SIMC1: variants seen among roughly 807,000 people sequenced by gnomAD.
SIMC1 encodes SUMO-interacting motif-containing protein 1.
Under a neutral mutation model 82.3 loss-of-function variants are expected in SIMC1, and 55 were observed. The ratio of observed to expected loss-of-function variants is 0.67; its 90% CI spans 0.54 to 0.84. SIMC1 has a LOEUF of 0.84. SIMC1 is among the 40% of genes least tolerant of loss of function. The pLI, the probability that SIMC1 is intolerant of heterozygous loss-of-function variation, is 0.00. For synonymous variants in SIMC1, 353 were observed against 426.3 expected (o/e 0.83, Z 2.12); for missense variants, 915 against 1,107.2 (o/e 0.83, Z 2.46).
At chr5:176,308,078 G>A in intron 4 of SIMC1, 1 of 729,050 alleles carries the variant, frequency 1.4e-6, no homozygotes, top group Non-Finnish European at 2.5e-6. Flanking sequence ...AGTGCAGGTG[G>A]TGCAGGCGGT....
At chr5:176,270,685 T>C (rs139258378) in intron 1 of SIMC1, among the ~76,000 whole-genome samples, 10 of 152,318 alleles carry the variant, frequency 6.6e-5, no homozygotes, top group Non-Finnish European at 1.2e-4. Context: ...AGCGAAGTGA[T>C]TGTGAGACTT....
intron 5 of SIMC1, among the ~76,000 whole-genome samples, chr5:176,319,605 G>C (rs342012): frequency 0.74 from 112,941 of 152,044 alleles, 42,114 homozygotes; most frequent in Middle Eastern, 0.85. Flanking sequence ...GTGGAAAGAT[G>C]ACTTGAGGCC....
chr5:176,246,308 C>T (rs1046431098), intron 1 of SIMC1, among the ~76,000 whole-genome samples: 1 of 152,038 alleles, frequency 6.6e-6, no homozygotes, highest in South Asian at 2.1e-4. Flanking sequence ...CCACGCCTGG[C>T]CAAGTGACTC....
chr5:176,308,773 A>G (rs1764536184), intron 4 of SIMC1: 1 of 1,310,076 alleles, frequency 7.6e-7, no homozygotes, highest in African/African-American at 1.4e-5. Flanking sequence ...GAGCTGCCCA[A>G]GATCCTGTGC....
intron 7 of SIMC1, among the ~76,000 whole-genome samples, chr5:176,329,496 TAAAAAAA>T (rs60571584): frequency 1.6e-5 from 2 of 126,594 alleles, no homozygotes; most frequent in African/African-American, 6.1e-5. Context: ...ACTCCCTCTT[TAAAAAAA>T]AAAAAAAAAA....
At chr5:176,243,647 C>T (rs1438542930) in intron 1 of SIMC1, among the ~76,000 whole-genome samples, 3 of 151,926 alleles carry the variant, frequency 2.0e-5, no homozygotes, top group South Asian at 2.1e-4. Flanking sequence ...CTCAGCCTCC[C>T]GAGTAGCCGG....
chr5:176,274,168 T>G lies in SIMC1; in HGVS notation c.130-15486T>G, dbSNP rs559663228. 2.6e-3 allele frequency among the ~76,000 whole-genome samples: 380 copies of G among 145,090 alleles called. 2 individuals carry two copies. The highest frequency in any genetic ancestry group is 0.01 in the Middle Eastern group (3 of 290). ...TCTCCACATCCTCTCCAGCACCTGTTGTTTCCTGACTTTTTAATGATTGCC... is the reference window on the plus strand; with the variant it reads ...TCTCCACATCCTCTCCAGCACCTGTGGTTTCCTGACTTTTTAATGATTGCC... On this transcript the variant is annotated intron_variant, in intron 1 of 9. Transcript: ENST00000429602.
chr5:176,275,418 A>G (rs1402655272), intron 1 of SIMC1, among the ~76,000 whole-genome samples: 1 of 151,894 alleles, frequency 6.6e-6, no homozygotes, highest in East Asian at 1.9e-4. Context: ...TCATCTGCAA[A>G]CAAGGACAAT....
rs1225021593 is a variant in SIMC1, at chr5:176,335,273, C to CTTTTTTTTTTTTTTT, written c.2172-1439_2172-1425dup. Among the ~76,000 whole-genome samples, 31 of 98,644 alleles carry CTTTTTTTTTTTTTTT rather than the reference C, an allele frequency of 3.1e-4. 1 individual carries two copies. Among genetic ancestry groups the CTTTTTTTTTTTTTTT allele is most frequent in the Non-Finnish European group, 4.4e-4 (23 of 52,666 alleles). 64.7% of individuals were successfully genotyped at this position (98,644 alleles called of 152,430 possible). On this transcript the variant is annotated intron_variant, in intron 7 of 9. Coordinates refer to ENST00000429602, the MANE Select transcript of SIMC1 (RefSeq NM_001308195.2). ...TCTAGATGTTGGCCTTTCTTTGTAT[C>CTTTTTTTTTTTTTTT]TTTTTTTTTTTTTTTTTTTTTTAGA...
chr5:176,317,009 G>C (rs1764941001), intron 5 of SIMC1, among the ~76,000 whole-genome samples: 1 of 152,130 alleles, frequency 6.6e-6, no homozygotes, highest in African/African-American at 2.4e-5. Context: ...AACAAAGATA[G>C]GCATTTTTGA....
chr5:176,285,610 T>G (rs1763234918), intron 1 of SIMC1, among the ~76,000 whole-genome samples: 1 of 151,402 alleles, frequency 6.6e-6, no homozygotes, highest in South Asian at 2.1e-4. Context: ...CCACTCCTAT[T>G]CAACATAGTG....
chr5:176,313,915 G>T, intron 5 of SIMC1, 70 bp downstream of exon 5: 14 of 1,591,804 alleles, frequency 8.8e-6, no homozygotes, highest in Non-Finnish European at 1.2e-5. Context: ...CTGAAGGCCA[G>T]AATATCAGCC....
chr5:176,305,142 G>C (rs1264004409), intron 4 of SIMC1, among the ~76,000 whole-genome samples: 1 of 128,416 alleles, frequency 7.8e-6, no homozygotes, highest in African/African-American at 2.7e-5. Context: ...CAGGAGGGGG[G>C]GGGGGTCAGC....
chr5:176,255,721 T>TAAAAAA (rs202176692), intron 1 of SIMC1, among the ~76,000 whole-genome samples: 4 of 130,828 alleles, frequency 3.1e-5, no homozygotes, highest in Non-Finnish European at 3.2e-5. Flanking sequence ...TGAGTACTCC[T>TAAAAAA]AAAAAAAAAA....
intron 4 of SIMC1, chr5:176,308,690 T>C: frequency 6.5e-7 from 1 of 1,538,368 alleles, no homozygotes; most frequent in Non-Finnish European, 9.0e-7. Flanking sequence ...AGGAAAGGTA[T>C]GAGAGAATCG....
At chr5:176,298,135 C>G (rs1039460159) in intron 4 of SIMC1, among the ~76,000 whole-genome samples, 2 of 152,214 alleles carry the variant, frequency 1.3e-5, no homozygotes, top group African/African-American at 4.8e-5. Flanking sequence ...AGGCCAATGC[C>G]TAACCAAGAA....
At chr5:176,302,883 ATGT>A (rs953651749) in intron 4 of SIMC1, among the ~76,000 whole-genome samples, 33 of 152,206 alleles carry the variant, frequency 2.2e-4, no homozygotes, top group Admixed American at 7.2e-4. Context: ...AAACTACAAA[ATGT>A]TGTGGAAAGA....
intron 6 of SIMC1, 25 bp from the exon 7 acceptor site, chr5:176,324,604 T>A: frequency 6.2e-7 from 1 of 1,607,902 alleles, no homozygotes; most frequent in Non-Finnish European, 8.5e-7. Context: ...CTCACACTCA[T>A]CTGTGTCCTA....
intron 1 of SIMC1, among the ~76,000 whole-genome samples, chr5:176,288,840 T>C (rs1159152067): frequency 2.0e-5 from 3 of 152,182 alleles, no homozygotes; most frequent in Non-Finnish European, 4.4e-5. Flanking sequence ...TAGAGCAATA[T>C]TTTTCCAGGC....
Sources: allele counts gnomAD v4.1 joint callset (sites outside exome capture counted in the v4.1 genomes callset), GRCh38; gene constraint gnomAD v4.1.1; transcripts MANE v1.5; gene names NCBI Gene and HGNC (gene_info 2026-07-23, HGNC 2026-07-21).